RMP64: variants seen among roughly 807,000 people sequenced by gnomAD.
RMP64 encodes nucleolus and neural progenitor protein.
chr3:113,014,036 AAAG>A, the RMP64 span: 23 of 1,598,612 alleles, frequency 1.4e-5, no homozygotes, highest in Middle Eastern at 1.7e-4. Context: ...GCTCAACCTG[AAAG>A]AAGAAGAGCA....
At chr3:113,006,619 C>T in the RMP64 span, among the ~76,000 whole-genome samples, 1 of 152,208 alleles carries the variant, frequency 6.6e-6, no homozygotes, top group African/African-American at 2.4e-5. Flanking sequence ...TACACTGCCA[C>T]AAGGTTCATC....
the RMP64 span, chr3:113,010,359 T>C: frequency 3.8e-5 from 13 of 339,620 alleles, no homozygotes; most frequent in Non-Finnish European, 6.4e-5. Flanking sequence ...CCTATACTCT[T>C]AAGCTGCAGT....
At chr3:113,010,686 T>A in the RMP64 span, 1 of 1,613,488 alleles carries the variant, frequency 6.2e-7, no homozygotes, top group Non-Finnish European at 8.5e-7. Flanking sequence ...AGCCCTCACA[T>A]CAAATTCTGA....
chr3:113,013,461 T>G, the RMP64 span: 35 of 1,172,906 alleles, frequency 3.0e-5, no homozygotes, highest in Admixed American at 6.9e-5. Flanking sequence ...GTTTTTTTTT[T>G]GTTTTTTTTT....
At chr3:113,003,432 A>G in the RMP64 span, 9 of 152,178 alleles carry the variant, frequency 5.9e-5, no homozygotes, top group South Asian at 2.1e-4. Flanking sequence ...GGTATACTTT[A>G]GATTGCATTT....
chr3:113,005,670 G>A, the RMP64 span: 1 of 1,613,802 alleles, frequency 6.2e-7, no homozygotes, highest in East Asian at 2.2e-5. Flanking sequence ...AGATTTTCAT[G>A]AATCATTTTC....
At chr3:113,015,622 G>A in the RMP64 span, among the ~76,000 whole-genome samples, 1 of 151,942 alleles carries the variant, frequency 6.6e-6, no homozygotes, top group Non-Finnish European at 1.5e-5. Flanking sequence ...GGAATGTTTA[G>A]AGACAGGCCA....
chr3:113,004,103 T>TTGTC, the RMP64 span: 1 of 152,226 alleles, frequency 6.6e-6, no homozygotes, highest in Admixed American at 6.5e-5. Flanking sequence ...CTCCTTGGTA[T>TTGTC]TGTCTGTATT....
chr3:113,003,194 A>G, the RMP64 span: 3 of 152,174 alleles, frequency 2.0e-5, no homozygotes, highest in East Asian at 1.9e-4. Context: ...GTTTTTAAAA[A>G]ATTAGCCAGG....
chr3:113,005,375 C>T, the RMP64 span: 2 of 600,208 alleles, frequency 3.3e-6, no homozygotes, highest in Non-Finnish European at 5.9e-6. Context: ...TGACACAATG[C>T]TACTTTAAAT....
chr3:113,019,440 C>A, the RMP64 span: 1 of 934,216 alleles, frequency 1.1e-6, no homozygotes. Context: ...CAGCGTCCCC[C>A]GGGCCGGGAA....
the RMP64 span, chr3:113,017,412 T>A: frequency 1.3e-6 from 2 of 1,568,040 alleles, no homozygotes; most frequent in Non-Finnish European, 1.7e-6. Context: ...CATTTTCAAG[T>A]GAACAGGTTG....
the RMP64 span, chr3:113,008,425 G>A: frequency 1.9e-6 from 3 of 1,608,192 alleles, no homozygotes; most frequent in Non-Finnish European, 2.6e-6. Flanking sequence ...AATCAAAACT[G>A]GTCTCCTGAA....
chr3:113,011,910 A>G, the RMP64 span, among the ~76,000 whole-genome samples: 1 of 152,228 alleles, frequency 6.6e-6, no homozygotes, highest in Admixed American at 6.5e-5. Flanking sequence ...AAATAAAACA[A>G]TAGGAAATAC....
chr3:113,008,526 A>T, the RMP64 span: 1 of 1,090,924 alleles, frequency 9.2e-7, no homozygotes, highest in Non-Finnish European at 1.3e-6. Flanking sequence ...AAAATTTAAA[A>T]ATTAGAATTA....
chr3:113,012,722 G>GTA, the RMP64 span: 1 of 1,451,474 alleles, frequency 6.9e-7, no homozygotes, highest in Non-Finnish European at 9.7e-7. Flanking sequence ...GATGTCAGAG[G>GTA]TATGTACATA....
At chr3:113,002,673 G>T in the RMP64 span, 1 of 151,918 alleles carries the variant, frequency 6.6e-6, no homozygotes, top group Non-Finnish European at 1.5e-5. Flanking sequence ...GTGTGTGTGT[G>T]TGTTCTTTTA....
the RMP64 span, among the ~76,000 whole-genome samples, chr3:113,011,920 C>T: frequency 6.6e-6 from 1 of 152,150 alleles, no homozygotes; most frequent in African/African-American, 2.4e-5. Flanking sequence ...ATAGGAAATA[C>T]TATTTGAGAT....
At chr3:113,010,922 G>T in the RMP64 span, 1 of 953,624 alleles carries the variant, frequency 1.0e-6, no homozygotes, top group Non-Finnish European at 1.5e-6. Context: ...ATCAATATGA[G>T]TCAAAATTAA....
Sources: allele counts gnomAD v4.1 joint callset (sites outside exome capture counted in the v4.1 genomes callset), GRCh38; gene constraint gnomAD v4.1.1; transcripts MANE v1.5; gene names NCBI Gene and HGNC (gene_info 2026-07-23, HGNC 2026-07-21).